The following LRRN1 variants were observed in gnomAD, a reference collection of about 807,000 sequenced individuals.
The protein encoded by LRRN1 is leucine-rich repeat neuronal protein 1.
Under a neutral mutation model 45.8 loss-of-function variants are expected in LRRN1, and 14 were observed. The ratio of observed to expected loss-of-function variants is 0.31; its 90% CI spans 0.20 to 0.48. The LOEUF is 0.48. Among genes scored for constraint, LRRN1 ranks in the 20% least tolerant of loss-of-function variants. The pLI is 0.99. For synonymous variants in LRRN1, 359 were observed against 330.1 expected (o/e 1.09, Z -0.95); for missense variants, 789 against 874.2 (o/e 0.90, Z 1.23).
rs1314191669 is a variant in LRRN1, at chr3:3,848,125, T to G, written c.*1333T>G. On this transcript the variant is annotated 3_prime_UTR_variant, in exon 2 of 2. Coordinates refer to ENST00000319331, the MANE Select transcript of LRRN1 (RefSeq NM_020873.7). ...CACAAACTGTATGACATGTTATTTC[T>G]TTTTAACAGTTGTCTATATGCTTAG... Among the ~76,000 whole-genome samples, 2 of 152,240 alleles carry G rather than the reference T, an allele frequency of 1.3e-5. No homozygotes were observed. Among genetic ancestry groups the G allele is most frequent in the African/African-American group, 4.8e-5 (2 of 41,466 alleles).
At chr3:3,830,298 T>C (rs542432579) in intron 1 of LRRN1, among the ~76,000 whole-genome samples, 1 of 152,320 alleles carries the variant, frequency 6.6e-6, no homozygotes, top group African/African-American at 2.4e-5. Flanking sequence ...TCACCAATTT[T>C]CCAATCATGT....
chr3:3,814,113 C>T (rs954932144), intron 1 of LRRN1, among the ~76,000 whole-genome samples: 3 of 150,688 alleles, frequency 2.0e-5, no homozygotes, highest in African/African-American at 7.3e-5. Context: ...TTCCTGTCAA[C>T]ACCACCCGAA....
intron 1 of LRRN1, among the ~76,000 whole-genome samples, chr3:3,814,604 A>C (rs919517706): frequency 2.0e-5 from 3 of 152,152 alleles, no homozygotes; most frequent in Non-Finnish European, 4.4e-5. Context: ...GCCTTTTGGG[A>C]AGTGATGAAG....
At chr3:3,841,896 A>G (rs979731417) in intron 1 of LRRN1, among the ~76,000 whole-genome samples, 4 of 152,224 alleles carry the variant, frequency 2.6e-5, no homozygotes, top group African/African-American at 4.8e-5. Context: ...TTTTGCAAAT[A>G]CAAGCATGTC....
chr3:3,810,322 C>T (rs1692848317), intron 1 of LRRN1, among the ~76,000 whole-genome samples: 1 of 152,152 alleles, frequency 6.6e-6, no homozygotes, highest in Admixed American at 6.5e-5. Context: ...CACCTCTCTG[C>T]CTCCACTGTG....
At chr3:3,805,914 C>T (rs113583366) in intron 1 of LRRN1, among the ~76,000 whole-genome samples, 51 of 152,278 alleles carry the variant, frequency 3.3e-4, no homozygotes, top group African/African-American at 1.2e-3. Context: ...TTTTCTGCAG[C>T]TTGTACATTG....
intron 1 of LRRN1, among the ~76,000 whole-genome samples, chr3:3,812,005 G>GGAATAAT (rs1192185123): frequency 1.3e-5 from 2 of 152,190 alleles, no homozygotes; most frequent in East Asian, 3.9e-4. Context: ...GTAGAATGGA[G>GGAATAAT]GAATAATGTC....
chr3:3,834,564 T>TATGATATATA (rs1406987073), intron 1 of LRRN1, among the ~76,000 whole-genome samples: 2 of 110,386 alleles, frequency 1.8e-5, no homozygotes, highest in Non-Finnish European at 3.9e-5. Context: ...GATATATATA[T>TATGATATATA]TATTATACAT....
At chr3:3,837,694 C>A (rs1301474913) in intron 1 of LRRN1, among the ~76,000 whole-genome samples, 3 of 151,670 alleles carry the variant, frequency 2.0e-5, no homozygotes, top group African/African-American at 4.8e-5. Flanking sequence ...AGCCACCGCA[C>A]CACATTTTTT....
At chr3:3,824,293 A>G (rs187075041) in intron 1 of LRRN1, among the ~76,000 whole-genome samples, 20 of 152,324 alleles carry the variant, frequency 1.3e-4, no homozygotes, top group Admixed American at 1.3e-3. Flanking sequence ...GGGCTTTCCT[A>G]TCTTGAATGT....
intron 1 of LRRN1, among the ~76,000 whole-genome samples, chr3:3,825,056 A>T (rs1236166092): frequency 6.6e-6 from 1 of 152,204 alleles, no homozygotes; most frequent in African/African-American, 2.4e-5. Flanking sequence ...GCTCTTTCAT[A>T]GACACCCTTC....
intron 1 of LRRN1, among the ~76,000 whole-genome samples, chr3:3,833,235 A>G (rs931837707): frequency 6.6e-6 from 1 of 152,196 alleles, no homozygotes; most frequent in South Asian, 2.1e-4. Flanking sequence ...CACCATCTCA[A>G]TCTCCCTAGG....
rs765943562 is a variant in LRRN1, at chr3:3,845,622, C to T, written c.981C>T (p.Tyr327=). The T allele has an allele frequency of 1.2e-6, 2 of 1,614,112 alleles. No individual in the cohort carries two copies. The highest frequency in any genetic ancestry group is 1.7e-6 in the Non-Finnish European group (2 of 1,180,028). The change falls in exon 2 of 2, where the codon TAC becomes TAT. Residue 327 remains tyrosine, a synonymous_variant. Transcript: ENST00000319331. This position sits in a 1 kb window ranked among gnomAD's most constrained non-coding sequence, Gnocchi z 6.5. The part of the protein sequence containing the change: ...LEATNNPKLS[Y]IHRLAFRSVP... ...CCACCAATAACCCTAAACTCTCTTA[C>T]ATCCACCGCTTGGCTTTCCGAAGTG...
Position 3,799,695 on chromosome 3 carries a change from C to G in LRRN1, c.-503C>G, listed in dbSNP as rs1692597531. ...TCTGAGAGCCGACTGAGCCCAGCCC[C>G]GTGCAGCAGCGGTTGCCTGTGTCGC... On this transcript the variant is annotated 5_prime_UTR_variant, in exon 1 of 2. Coordinates refer to ENST00000319331, the MANE Select transcript of LRRN1 (RefSeq NM_020873.7). 6.5e-6 allele frequency: 1 copy of G among 153,862 alleles called. No homozygotes were observed. Among genetic ancestry groups the G allele is most frequent in the Non-Finnish European group, 1.5e-5 (1 of 68,962 alleles). 9.5% of individuals were successfully genotyped at this position (153,862 alleles called of 1,614,324 possible).
Position 3,816,349 on chromosome 3 carries a change from G to A in LRRN1, c.-279+16430G>A, listed in dbSNP as rs1692986849. Among the ~76,000 whole-genome samples the A allele has an allele frequency of 3.3e-5, 5 of 152,144 alleles. No individual in the cohort carries two copies. In the South Asian group the frequency reaches 1.0e-3, roughly 32 times the overall value. ...AGATAGGGGAACACATTGGCATCAA[G>A]GAAAATCTACAATAAGAAACTCTTT... On this transcript the variant is annotated intron_variant, in intron 1 of 1. Transcript: ENST00000319331. This position sits in a 1 kb window ranked among gnomAD's most constrained non-coding sequence, Gnocchi z 4.0.
intron 1 of LRRN1, among the ~76,000 whole-genome samples, chr3:3,839,319 C>T (rs1421792287): frequency 2.0e-5 from 3 of 152,052 alleles, no homozygotes; most frequent in African/African-American, 7.2e-5. Context: ...GTATAGAAGG[C>T]TTTATTTCTG....
Position 3,846,100 on chromosome 3 carries a change from T to C in LRRN1, c.1459T>C (p.Ser487Pro). 1 of 1,614,000 alleles carries C rather than the reference T, an allele frequency of 6.2e-7. No homozygotes were observed. The highest frequency in any genetic ancestry group is 8.5e-7 in the Non-Finnish European group (1 of 1,180,000). Residue 487 changes from serine to proline, a missense_variant, in exon 2 of 2, where the codon TCT (serine) becomes CCT (proline). Coordinates refer to ENST00000319331, the MANE Select transcript of LRRN1 (RefSeq NM_020873.7). The surrounding 1 kb of genome is among the most constrained non-coding windows in gnomAD (Gnocchi z 5.7). ...AAGTAGCGAAGGTACCTTGGAAATA[T>C]CTAACATACAAATTGAAGACTCAGG... ...KLSSEGTLEI[S>P]NIQIEDSGRY...
At chr3:3,810,224 A>C (rs1309479423) in intron 1 of LRRN1, among the ~76,000 whole-genome samples, 4 of 152,140 alleles carry the variant, frequency 2.6e-5, no homozygotes, top group African/African-American at 9.7e-5. Flanking sequence ...CACATTTTCT[A>C]AATAAAGAGA....
rs1271694660 is a variant in LRRN1 at position 3,845,058 on chromosome 3, A to G, written c.417A>G (p.Leu139=). 3.7e-6 allele frequency: 6 copies of G among 1,614,056 alleles called. No individual in the cohort carries two copies. The African/African-American group carries it at 4.0e-5, about 11-fold the overall frequency. The change falls in exon 2 of 2, where the codon CTA becomes CTG. Residue 139 remains leucine (L), a synonymous_variant. Transcript: ENST00000319331. This position sits in a 1 kb window ranked among gnomAD's most constrained non-coding sequence, Gnocchi z 6.5. ...TTACCGAGATGACTGATTACTGTCT[A>G]CAAGACCTCAGCAACCTTCAAGAAC... ...NQITEMTDYC[L]QDLSNLQELY...
Sources: gnomAD v4.1 joint callset for allele counts (sites outside exome capture counted in the v4.1 genomes callset) on GRCh38, gnomAD v4.1.1 for gene constraint, Gnocchi (gnomAD v3.1) non-coding constraint, MANE v1.5 for transcripts, NCBI Gene and HGNC (gene_info 2026-07-23, HGNC 2026-07-21) for gene names.